Variants in UBE3B observed in about 807,000 individuals in gnomAD.
The protein encoded by UBE3B is ubiquitin protein ligase E3B.
In UBE3B, 80 loss-of-function variants were observed where a neutral mutation model predicts 132.3. The ratio of observed to expected loss-of-function variants is 0.60; its 90% CI spans 0.50 to 0.73. The LOEUF is 0.73. UBE3B is among the 30% of genes least tolerant of loss of function. The pLI is 0.00. For missense variants in UBE3B, 1,196 were observed against 1,362.5 expected (o/e 0.88, Z 1.92); for synonymous variants, 487 against 520.4 (o/e 0.94, Z 0.87).
In UBE3B at chr12:109,521,063, G is replaced by A; in HGVS notation, c.2077-85G>A. 3.4e-6 allele frequency: 5 copies of A among 1,484,682 alleles called. No individual in the cohort carries two copies. The highest frequency in any genetic ancestry group is 3.7e-6 in the Non-Finnish European group (4 of 1,090,028). The allele number at this position is 1,484,682 out of a possible 1,614,324, so 92.0% of individuals were successfully genotyped here. Reference sequence around the variant, plus strand: ...TGCACATTTGGTAATGATGCTGGGAGAGCTTCGCACAGAGGAGAGGGAACC... The same window carrying A: ...TGCACATTTGGTAATGATGCTGGGAAAGCTTCGCACAGAGGAGAGGGAACC... On this transcript the variant is annotated intron_variant, in intron 19 of 27. Transcript: ENST00000342494. The surrounding 1 kb of genome is among the most constrained non-coding windows in gnomAD (Gnocchi z 4.2).
the UBE3B span, among the ~76,000 whole-genome samples, chr12:109,542,087 G>A: frequency 6.6e-6 from 1 of 152,226 alleles, no homozygotes; most frequent in Non-Finnish European, 1.5e-5. Flanking sequence ...GTGGCAGGAG[G>A]TGATTCTTCA....
chr12:109,479,520 G>A (rs964791428), intron 1 of UBE3B, among the ~76,000 whole-genome samples: 4 of 152,184 alleles, frequency 2.6e-5, no homozygotes, highest in Non-Finnish European at 5.9e-5. Context: ...ACCAAGGCCC[G>A]CTTTCTCTGA....
At chr12:109,533,760 C>T in intron 27 of UBE3B, 1 of 834,044 alleles carries the variant, frequency 1.2e-6, no homozygotes, top group Non-Finnish European at 2.0e-6. Context: ...GGACTCAGCC[C>T]TCTCTCGGCA....
At chr12:109,506,335 TGTTTTGTTTTTG>T (rs1879673943) in intron 14 of UBE3B, among the ~76,000 whole-genome samples, 1 of 148,998 alleles carries the variant, frequency 6.7e-6, no homozygotes, top group African/African-American at 2.5e-5. Context: ...GACCCAAATC[TGTTTTGTTTTTG>T]TTTTTGTTTT....
chr12:109,528,268 A>C, intron 24 of UBE3B: 3 of 873,440 alleles, frequency 3.4e-6, no homozygotes, highest in African/African-American at 1.8e-5. Context: ...CTTCTCTCGT[A>C]TCTCCCTCTC....
At position 109,488,765 on chromosome 12, in the gene UBE3B, C is replaced by T. The variant is rs1045691172; in HGVS notation, c.544+97C>T. ...TGTAAGAAGCATTTTTGCCACAAGCCTCAGGGAAGGCCCTGAGACCATACA... is the reference window on the plus strand; with the variant it reads ...TGTAAGAAGCATTTTTGCCACAAGCTTCAGGGAAGGCCCTGAGACCATACA... On this transcript the variant is annotated intron_variant, in intron 7 of 27. Coordinates refer to ENST00000342494, the MANE Select transcript of UBE3B (RefSeq NM_130466.4). 9 of 1,137,258 alleles carry T rather than the reference C, an allele frequency of 7.9e-6. No individual in the cohort carries two copies. The Admixed American group carries it at 1.2e-4, about 15-fold the overall frequency. The allele number at this position is 1,137,258 out of a possible 1,614,324, so 70.4% of individuals were successfully genotyped here.
rs1159753612 is a variant in UBE3B at position 109,477,945 on chromosome 12, C to G, written c.-292C>G. 2 of 153,062 alleles carry G rather than the reference C, an allele frequency of 1.3e-5. No homozygotes were observed. The highest frequency in any genetic ancestry group is 3.8e-4 in the East Asian group (2 of 5,200). The allele number at this position is 153,062 out of a possible 1,614,324, so 9.5% of individuals were successfully genotyped here. ...GCGTGTGTGCTCCAGGGGCTCTTTCCGCGGCCCTTTCCACCTCTTTTCACT... is the reference window on the plus strand; with the variant it reads ...GCGTGTGTGCTCCAGGGGCTCTTTCGGCGGCCCTTTCCACCTCTTTTCACT... On this transcript the variant is annotated 5_prime_UTR_variant, in exon 1 of 28. Coordinates refer to ENST00000342494, the MANE Select transcript of UBE3B (RefSeq NM_130466.4).
At chr12:109,544,701 G>C in the UBE3B span, among the ~76,000 whole-genome samples, 1 of 152,130 alleles carries the variant, frequency 6.6e-6, no homozygotes, top group Non-Finnish European at 1.5e-5. Context: ...TGCCACATGG[G>C]GTAAGCTACT....
In UBE3B at chr12:109,521,282, G is replaced by A. The variant is rs1188724512; in HGVS notation, c.2211G>A (p.Glu737=). The part of the protein sequence containing the change: ...QDGVFKEFLE[E]IIKRVFDPAL... The stretch of plus-strand genomic sequence containing the variant: ...GTGTTTTTAAGGAGTTCTTGGAAGA[G>A]ATCATCAAGAGAGTTTTTGACCCAG... The change falls in exon 20 of 28, where the codon GAG becomes GAA. Residue 737 remains glutamate, a synonymous_variant. Coordinates refer to ENST00000342494, the MANE Select transcript of UBE3B (RefSeq NM_130466.4). This position sits in a 1 kb window ranked among gnomAD's most constrained non-coding sequence, Gnocchi z 4.2. 3.1e-6 allele frequency: 5 copies of A among 1,614,112 alleles called. No homozygotes were observed. The African/African-American group carries it at 6.7e-5, about 22-fold the overall frequency.
Position 109,477,899 on chromosome 12 carries a change from A to C in UBE3B, c.-338A>C, listed in dbSNP as rs1289486782. ...CACAGTCCCTGCCTGGCCAGGTCGG[A>C]GGAACAAGTGCTGGGATCTGGCGTG... On this transcript the variant is annotated 5_prime_UTR_variant, in exon 1 of 28. Coordinates refer to ENST00000342494, the MANE Select transcript of UBE3B (RefSeq NM_130466.4). 2 of 153,472 alleles carry C rather than the reference A, an allele frequency of 1.3e-5. No individual in the cohort carries two copies. The highest frequency in any genetic ancestry group is 4.8e-5 in the African/African-American group (2 of 41,456). 9.5% of individuals were successfully genotyped at this position (153,472 alleles called of 1,614,324 possible).
At chr12:109,536,979 G>A (rs1883476108), downstream of UBE3B, among the ~76,000 whole-genome samples, 1 of 152,170 alleles carries the variant, frequency 6.6e-6, no homozygotes, top group South Asian at 2.1e-4. Flanking sequence ...CATAGGTTGG[G>A]TGTATATCTT....
intron 12 of UBE3B, among the ~76,000 whole-genome samples, chr12:109,500,418 G>C (rs1343578471): frequency 6.6e-6 from 1 of 152,176 alleles, no homozygotes; most frequent in Non-Finnish European, 1.5e-5. Context: ...ATATCTGCTC[G>C]AGGCATGGGG....
At position 109,521,359 on chromosome 12, in the gene UBE3B, G is replaced by A. The variant is rs1217425467; in HGVS notation, c.2253+35G>A. The stretch of plus-strand genomic sequence containing the variant: ...GGGAGCAACAGCAGGGCTGACAGCA[G>A]CCAGATTCAAGAAGTGAAGAGCTGG... On this transcript the variant is annotated intron_variant, in intron 20 of 27. Transcript: ENST00000342494. This position sits in a 1 kb window ranked among gnomAD's most constrained non-coding sequence, Gnocchi z 4.2. 1 of 1,605,536 alleles carries A rather than the reference G, an allele frequency of 6.2e-7. No homozygotes were observed. The highest frequency in any genetic ancestry group is 1.7e-4 in the Middle Eastern group (1 of 6,038).
intron 9 of UBE3B, among the ~76,000 whole-genome samples, chr12:109,495,957 G>A (rs1044116923): frequency 7.9e-5 from 12 of 152,164 alleles, no homozygotes; most frequent in Non-Finnish European, 1.8e-4. Context: ...CAGTTTTGGG[G>A]CCAGTTTATG....
chr12:109,526,731 C>T (rs983926424), intron 24 of UBE3B, among the ~76,000 whole-genome samples: 3 of 152,154 alleles, frequency 2.0e-5, no homozygotes, highest in Admixed American at 1.3e-4. Flanking sequence ...ATTAGCTGGG[C>T]GTGGTGGCTC....
chr12:109,524,219 T>G, intron 22 of UBE3B, 104 bp downstream of exon 22: 6 of 1,503,406 alleles, frequency 4.0e-6, no homozygotes, highest in Non-Finnish European at 5.4e-6. Flanking sequence ...GCTGTTGCTG[T>G]AGCTGCTACA....
chr12:109,509,899 A>G (rs1880142332), intron 16 of UBE3B, among the ~76,000 whole-genome samples, 185 bp downstream of exon 16: 1 of 152,234 alleles, frequency 6.6e-6, no homozygotes, highest in Admixed American at 6.5e-5. Flanking sequence ...TGGTGTGGTT[A>G]TAGAAGTCTT....
At chr12:109,538,310 G>A (rs1329484868), downstream of UBE3B, among the ~76,000 whole-genome samples, 3 of 152,178 alleles carry the variant, frequency 2.0e-5, no homozygotes, top group Admixed American at 1.3e-4. This position sits in a 1 kb window ranked among gnomAD's most constrained non-coding sequence, Gnocchi z 4.1. Flanking sequence ...CTTATCTCCT[G>A]GAAACTTATC....
At position 109,499,766 on chromosome 12, in the gene UBE3B, C is replaced by G; in HGVS notation, c.1074C>G (p.His358Gln). 6.2e-7 allele frequency: 1 copy of G among 1,611,222 alleles called. No individual in the cohort carries two copies. The highest frequency in any genetic ancestry group is 2.2e-5 in the East Asian group (1 of 44,604). Residue 358 changes from histidine (H) to glutamine (Q), a missense_variant, in exon 12 of 28, where the codon CAC (histidine) becomes CAG (glutamine). By Grantham distance (24) the His-to-Gln change is conservative. Transcript: ENST00000342494. ...YVSQKKSNLT[H>Q]WHPVLGWFSQ... is the part of the protein sequence containing the mutation. Reference sequence around the variant, plus strand: ...CTCAGAAGAAGTCCAACCTGACCCACTGGCATCCTGTCCTTGGCTGGTTCT... The same window carrying G: ...CTCAGAAGAAGTCCAACCTGACCCAGTGGCATCCTGTCCTTGGCTGGTTCT...
Sources: allele counts gnomAD v4.1 joint callset (sites outside exome capture counted in the v4.1 genomes callset), GRCh38; gene constraint gnomAD v4.1.1; non-coding constraint Gnocchi (gnomAD v3.1); transcripts MANE v1.5; gene names NCBI Gene and HGNC (gene_info 2026-07-23, HGNC 2026-07-21).